Variants in ANKS1B observed in about 807,000 individuals in gnomAD.
The protein encoded by ANKS1B is ankyrin repeat and sterile alpha motif domain-containing protein 1B.
In ANKS1B, 36 loss-of-function variants were observed where a neutral mutation model predicts 148.3. The ratio of observed to expected loss-of-function variants is 0.24; its 90% CI spans 0.19 to 0.32. The LOEUF is 0.32. Ranked by LOEUF, ANKS1B falls within the 10% of genes least tolerant of loss-of-function variation. ANKS1B has a pLI of 1.00. For synonymous variants in ANKS1B, 542 were observed against 560.8 expected (o/e 0.97, Z 0.47); for missense variants, 1,157 against 1,542.6 (o/e 0.75, Z 4.19).
chr12:98,764,273 C>T lies in ANKS1B; in HGVS notation c.3579+8769G>A, dbSNP rs532163589. On this transcript the variant is annotated intron_variant, in intron 25 of 26. Transcript: ENST00000683438. ...ACAGGGTCTCACTGTGTTACCCAGG[C>T]TGGAGTGCAGTGGCACGATCTCAGC... is the stretch of plus-strand genomic sequence containing the variant. Among the ~76,000 whole-genome samples, 138 of 152,312 alleles carry T rather than the reference C, an allele frequency of 9.1e-4. 1 individual carries two copies. The highest frequency in any genetic ancestry group is 3.1e-3 in the African/African-American group (128 of 41,564).
chr12:99,297,125 C>T (rs2080980418), intron 12 of ANKS1B, among the ~76,000 whole-genome samples: 1 of 152,070 alleles, frequency 6.6e-6, no homozygotes, highest in Non-Finnish European at 1.5e-5. Flanking sequence ...AATCTTTCCC[C>T]AAACATTACA....
At chr12:99,575,671 A>G (rs2097510823) in intron 9 of ANKS1B, among the ~76,000 whole-genome samples, 1 of 151,838 alleles carries the variant, frequency 6.6e-6, no homozygotes. Flanking sequence ...GGGGAAAAAC[A>G]CCCCCATGAT....
intron 17 of ANKS1B, among the ~76,000 whole-genome samples, chr12:99,010,799 T>A (rs913254594): frequency 2.0e-5 from 3 of 151,048 alleles, no homozygotes; most frequent in Admixed American, 2.0e-4. Context: ...TTGCCCAGAT[T>A]GGAGTGCAGT....
chr12:99,636,780 A>G (rs192305373), intron 9 of ANKS1B, among the ~76,000 whole-genome samples: 2 of 152,348 alleles, frequency 1.3e-5, no homozygotes, highest in Admixed American at 1.3e-4. Context: ...CCATGAAAAC[A>G]AAGAACCATT....
At chr12:99,087,849 T>C (rs2052481616) in intron 15 of ANKS1B, among the ~76,000 whole-genome samples, 1 of 152,184 alleles carries the variant, frequency 6.6e-6, no homozygotes, top group Admixed American at 6.5e-5. Flanking sequence ...GATTTCAGTG[T>C]TTGAATACTG....
At chr12:99,094,839 A>G (rs920943358) in intron 15 of ANKS1B, among the ~76,000 whole-genome samples, 4 of 152,210 alleles carry the variant, frequency 2.6e-5, no homozygotes, top group Non-Finnish European at 4.4e-5. Flanking sequence ...GGAAACATTG[A>G]AGGAAATATA....
rs140972323 is a variant in ANKS1B, at chr12:99,747,940, T to C, written c.1128+24982A>G. 4.0e-3 allele frequency among the ~76,000 whole-genome samples: 607 copies of C among 151,904 alleles called. 17 individuals are homozygous for C. The South Asian group carries it at 0.048, about 12-fold the overall frequency. On this transcript the variant is annotated intron_variant, in intron 8 of 26. Transcript: ENST00000683438. ...AATCTGAAAGTCAGGAGAAGAAGAA[T>C]AATGTATGAATGCAAATTTCTTTTT...
intron 8 of ANKS1B, among the ~76,000 whole-genome samples, chr12:99,736,246 G>A (rs2059605909): frequency 6.6e-6 from 1 of 152,038 alleles, no homozygotes; most frequent in Non-Finnish European, 1.5e-5. Context: ...GGAAGTCCTA[G>A]CCAGAGCAAT....
At chr12:99,933,333 T>C (rs2094675015) in intron 1 of ANKS1B, among the ~76,000 whole-genome samples, 1 of 152,208 alleles carries the variant, frequency 6.6e-6, no homozygotes, top group African/African-American at 2.4e-5. Flanking sequence ...TTACATTGAA[T>C]CTGTAGACTG....
At chr12:98,852,022 CAAAAAAAAAAAA>C (rs35129903) in intron 17 of ANKS1B, among the ~76,000 whole-genome samples, 2 of 61,092 alleles carry the variant, frequency 3.3e-5, no homozygotes, top group Non-Finnish European at 5.4e-5. Flanking sequence ...GACTCCATCT[CAAAAAAAAAAAA>C]AAAAAAAAAA....
chr12:99,799,052 C>T (rs1393178148), intron 4 of ANKS1B, among the ~76,000 whole-genome samples: 2 of 152,090 alleles, frequency 1.3e-5, no homozygotes, highest in Non-Finnish European at 2.9e-5. Context: ...CGCTATCTTA[C>T]TTTTCTTTAT....
chr12:99,143,465 T>C (rs1259309975), intron 15 of ANKS1B, among the ~76,000 whole-genome samples: 2 of 152,102 alleles, frequency 1.3e-5, no homozygotes, highest in Non-Finnish European at 2.9e-5. Flanking sequence ...GGGAGACGCA[T>C]GCAATGACCT....
chr12:99,747,462 A>C (rs2060700489), intron 8 of ANKS1B, among the ~76,000 whole-genome samples: 1 of 152,046 alleles, frequency 6.6e-6, no homozygotes, highest in Non-Finnish European at 1.5e-5. Context: ...CTGTTTCCTA[A>C]CTGATTTCTA....
intron 14 of ANKS1B, 44 bp downstream of exon 14, chr12:99,244,298 T>C: frequency 7.3e-7 from 1 of 1,373,084 alleles, no homozygotes; most frequent in Non-Finnish European, 1.0e-6. Context: ...TCACTACTCC[T>C]TAAGCACATT....
At chr12:99,064,371 T>C (rs2043380136) in intron 16 of ANKS1B, among the ~76,000 whole-genome samples, 1 of 152,148 alleles carries the variant, frequency 6.6e-6, no homozygotes, top group African/African-American at 2.4e-5. Context: ...AATGAAGGAC[T>C]AGATTTAAAA....
At chr12:99,088,838 GTTTTT>G (rs386377539) in intron 15 of ANKS1B, among the ~76,000 whole-genome samples, 7 of 69,848 alleles carry the variant, frequency 1.0e-4, no homozygotes, top group African/African-American at 3.8e-4. Flanking sequence ...TTTAACTTCT[GTTTTT>G]TTTTTTTTTT....
At chr12:98,743,617 T>C (rs2097823465), downstream of ANKS1B, among the ~76,000 whole-genome samples, 1 of 152,162 alleles carries the variant, frequency 6.6e-6, no homozygotes, top group Non-Finnish European at 1.5e-5. Flanking sequence ...TAGAAAAAAA[T>C]GAAAGGACTG....
intron 9 of ANKS1B, among the ~76,000 whole-genome samples, chr12:99,644,801 G>A (rs963108105): frequency 6.6e-6 from 1 of 152,178 alleles, no homozygotes; most frequent in African/African-American, 2.4e-5. Context: ...TAAGGTATTG[G>A]CAGGGCTATC....
chr12:99,497,291 GCACAGA>G (rs1270491969), intron 10 of ANKS1B, among the ~76,000 whole-genome samples: 11 of 152,294 alleles, frequency 7.2e-5, no homozygotes, highest in African/African-American at 2.6e-4. Context: ...TACATGTTCA[GCACAGA>G]CCCACCCATC....
Sources: allele counts gnomAD v4.1 joint callset (sites outside exome capture counted in the v4.1 genomes callset), GRCh38; gene constraint gnomAD v4.1.1; transcripts MANE v1.5; gene names NCBI Gene and HGNC (gene_info 2026-07-23, HGNC 2026-07-21).